The following RNF152 variants were observed in gnomAD, a reference collection of about 807,000 sequenced individuals.
RNF152 encodes ring finger protein 152, also known as E3 ubiquitin-protein ligase RNF152.
In RNF152, 11 loss-of-function variants were observed where a neutral mutation model predicts 12.7. The observed-to-expected ratio is 0.86, with a 90% CI of 0.54 to 1.43. The LOEUF (loss-of-function observed/expected upper bound fraction) is 1.43. Among genes scored for constraint, RNF152 ranks in the 40% most tolerant of loss-of-function variants. The probability of loss-of-function intolerance (pLI) is 0.00; values close to 1 mark genes in which losing one functional copy is unlikely to be tolerated. For missense variants in RNF152, 255 were observed against 274.8 expected (o/e 0.93, Z 0.51); for synonymous variants, 113 against 120.3 (o/e 0.94, Z 0.40).
intron 1 of RNF152, chr18:61,875,223 G>A (rs1269032981): frequency 6.6e-6 from 1 of 152,228 alleles, no homozygotes; most frequent in Non-Finnish European, 1.5e-5. Context: ...CAATTTGTAT[G>A]AGAAGGGATC....
At position 61,810,465 on chromosome 18, in the gene RNF152, G is replaced by C. The variant is rs1219347166; in HGVS notation, c.*5387C>G. The C allele has an allele frequency of 6.6e-6, 1 of 152,230 alleles. No individual in the cohort carries two copies. The highest frequency in any genetic ancestry group is 2.4e-5 in the African/African-American group (1 of 41,440). 9.4% of individuals were successfully genotyped at this position (152,230 alleles called of 1,614,324 possible). ...GTTGGAGACCAGCCTGACCAACATG[G>C]AGAAACCCCGTCTCTACTTTAAAAA... On this transcript the variant is annotated 3_prime_UTR_variant, in exon 2 of 2. Coordinates refer to ENST00000312828, the MANE Select transcript of RNF152 (RefSeq NM_173557.3).
intron 1 of RNF152, among the ~76,000 whole-genome samples, chr18:61,851,625 G>C (rs551482305): frequency 6.6e-6 from 1 of 152,288 alleles, no homozygotes; most frequent in East Asian, 1.9e-4. Flanking sequence ...TCAGAGCCAA[G>C]GTTTAAACTG....
rs540540104 is a variant in RNF152 at position 61,848,269 on chromosome 18, C to T, written c.-135-31671G>A. Among the ~76,000 whole-genome samples the T allele has an allele frequency of 2.0e-5, 3 of 152,272 alleles. No homozygotes were observed. The East Asian group carries it at 5.8e-4, about 30-fold the overall frequency. On this transcript the variant is annotated intron_variant, in intron 1 of 1. Coordinates refer to ENST00000312828, the MANE Select transcript of RNF152 (RefSeq NM_173557.3). ...CTCTCCCTCTCTCTCTGACCCACCA[C>T]AACAGCTAAAGTTTTCTAGCTTTCT...
rs145008311 is a variant in RNF152, at chr18:61,882,300, C to A, written c.-136+10495G>T. 8.0e-3 allele frequency among the ~76,000 whole-genome samples: 1,216 copies of A among 152,302 alleles called. 19 individuals carry two copies. Among genetic ancestry groups the A allele is most frequent in the African/African-American group, 0.028 (1,171 of 41,562 alleles). ...AGCACTGTGTGTGTAAAAATAAAGG[C>A]AATTTATTAGATGCATTCTGTTTGC... On this transcript the variant is annotated intron_variant, in intron 1 of 1. Transcript: ENST00000312828.
At position 61,811,405 on chromosome 18, in the gene RNF152, T is replaced by C. The variant is rs1912973458; in HGVS notation, c.*4447A>G. ...GTAAACTTCAAGTCTTTAAATTTCATGGGCAGTATTTTTTACTGTTAAAAA... is the reference window on the plus strand; with the variant it reads ...GTAAACTTCAAGTCTTTAAATTTCACGGGCAGTATTTTTTACTGTTAAAAA... On this transcript the variant is annotated 3_prime_UTR_variant, in exon 2 of 2. Transcript: ENST00000312828. 1 of 152,214 alleles carries C rather than the reference T, an allele frequency of 6.6e-6. No homozygotes were observed. The highest frequency in any genetic ancestry group is 6.5e-5 in the Admixed American group (1 of 15,272). The allele number at this position is 152,214 out of a possible 1,614,324, so 9.4% of individuals were successfully genotyped here. A position where few individuals can be genotyped will look rare whatever the true frequency, so the allele number is the denominator to read the frequency against.
intron 1 of RNF152, among the ~76,000 whole-genome samples, chr18:61,880,830 T>C (rs527667151): frequency 6.6e-6 from 1 of 152,222 alleles, no homozygotes; most frequent in East Asian, 1.9e-4. Context: ...GAAAATACCA[T>C]ACACCTACAC....
chr18:61,834,677 C>T (rs1910099579), intron 1 of RNF152, among the ~76,000 whole-genome samples: 1 of 118,022 alleles, frequency 8.5e-6, no homozygotes, highest in Non-Finnish European at 2.0e-5. Context: ...TGAAATTAGG[C>T]CATTTTTAAA....
At chr18:61,822,020 G>C (rs1358935375) in intron 1 of RNF152, among the ~76,000 whole-genome samples, 1 of 152,150 alleles carries the variant, frequency 6.6e-6, no homozygotes, top group Non-Finnish European at 1.5e-5. Flanking sequence ...TACAGGAAGA[G>C]CAAGATGTGA....
chr18:61,864,117 A>G (rs1169108969), intron 1 of RNF152, among the ~76,000 whole-genome samples: 1 of 152,134 alleles, frequency 6.6e-6, no homozygotes, highest in Non-Finnish European at 1.5e-5. Context: ...ACTCTCCAAC[A>G]ACAATCGGGT....
intron 1 of RNF152, among the ~76,000 whole-genome samples, chr18:61,881,840 T>C (rs1254746905): frequency 6.6e-6 from 1 of 152,242 alleles, no homozygotes; most frequent in Non-Finnish European, 1.5e-5. Context: ...CATATTCTTA[T>C]TTCCTTCTCA....
At chr18:61,829,683 G>A (rs1909847880) in intron 1 of RNF152, among the ~76,000 whole-genome samples, 1 of 152,042 alleles carries the variant, frequency 6.6e-6, no homozygotes, top group Non-Finnish European at 1.5e-5. Context: ...GGAGCAGGAT[G>A]CGGTCCAAAC....
rs1406539182 is a variant in RNF152, at chr18:61,811,723, A to G, written c.*4129T>C. On this transcript the variant is annotated 3_prime_UTR_variant, in exon 2 of 2. Coordinates refer to ENST00000312828, the MANE Select transcript of RNF152 (RefSeq NM_173557.3). ...TTTGGATAGGATACTGGAAGTGAAC[A>G]GGGATTTCATTAGGCTTTTTTTTTC... 6.6e-6 allele frequency: 1 copy of G among 152,252 alleles called. No individual in the cohort carries two copies. The highest frequency in any genetic ancestry group is 1.5e-5 in the Non-Finnish European group (1 of 68,080). The allele number at this position is 152,252 out of a possible 1,614,324, so 9.4% of individuals were successfully genotyped here.
chr18:61,854,222 T>A (rs1347561098), intron 1 of RNF152, among the ~76,000 whole-genome samples: 1 of 152,160 alleles, frequency 6.6e-6, no homozygotes, highest in African/African-American at 2.4e-5. Flanking sequence ...GCACAGCAAA[T>A]GGAAACTAAC....
intron 1 of RNF152, among the ~76,000 whole-genome samples, chr18:61,832,664 C>A (rs8094305): frequency 1.3e-5 from 2 of 151,824 alleles, no homozygotes; most frequent in Non-Finnish European, 2.9e-5. Context: ...TACCTGTGAA[C>A]TAAAAAAACA....
Position 61,816,059 on chromosome 18 carries a change from G to A in RNF152, c.405C>T (p.Ile135=). ...CTTGCAGAGGCTGCTGTTCAGCAGG[G>A]ATGGTCACCACGGTGACGGACTTCT... ...SQQKSVTVVT[I]PAEQQPLQGG... Residue 135 remains isoleucine, a synonymous_variant, in exon 2 of 2, where the codon ATC becomes ATT. Transcript: ENST00000312828. 1.9e-6 allele frequency: 3 copies of A among 1,614,240 alleles called. No individual in the cohort carries two copies. The highest frequency in any genetic ancestry group is 2.5e-6 in the Non-Finnish European group (3 of 1,180,050).
chr18:61,816,755 C>T (rs1909116239), intron 1 of RNF152, among the ~76,000 whole-genome samples, 157 bp from the exon 2 acceptor site: 1 of 152,158 alleles, frequency 6.6e-6, no homozygotes, highest in South Asian at 2.1e-4. Flanking sequence ...CCATAACGCC[C>T]AGTGAAAGGC....
intron 1 of RNF152, among the ~76,000 whole-genome samples, chr18:61,884,090 A>G (rs539109643): frequency 2.6e-4 from 40 of 152,314 alleles, no homozygotes; most frequent in African/African-American, 9.6e-4. Context: ...GGTGGATGGT[A>G]GATGCTGGAT....
intron 1 of RNF152, among the ~76,000 whole-genome samples, chr18:61,834,509 G>T (rs2144656274): frequency 6.6e-6 from 1 of 152,270 alleles, no homozygotes; most frequent in African/African-American, 2.4e-5. Flanking sequence ...CCAACTGATG[G>T]ACTCTATTGA....
chr18:61,891,457 T>C (rs1158348452), intron 1 of RNF152, among the ~76,000 whole-genome samples: 1 of 152,222 alleles, frequency 6.6e-6, no homozygotes, highest in African/African-American at 2.4e-5. Flanking sequence ...CACACCCTTG[T>C]TTCTATTGCA....
Sources: allele counts gnomAD v4.1 joint callset (sites outside exome capture counted in the v4.1 genomes callset), GRCh38; gene constraint gnomAD v4.1.1; transcripts MANE v1.5; gene names NCBI Gene and HGNC (gene_info 2026-07-23, HGNC 2026-07-21).